HMGCLL1: variants seen among roughly 807,000 people sequenced by gnomAD.
The protein encoded by HMGCLL1 is 3-hydroxymethyl-3-methylglutaryl-CoA lyase, cytoplasmic.
In HMGCLL1, 36 loss-of-function variants were observed where a neutral mutation model predicts 39.1. That is an observed-to-expected ratio of 0.92 (90% CI 0.71 to 1.22). The LOEUF (loss-of-function observed/expected upper bound fraction) is 1.22. Ranked by LOEUF, HMGCLL1 falls within the 50% of genes most tolerant of loss-of-function variation. The pLI is 0.00. For missense variants in HMGCLL1, 451 were observed against 416.5 expected (o/e 1.08, Z -0.72); for synonymous variants, 149 against 144.0 (o/e 1.03, Z -0.25).
At position 55,460,634 on chromosome 6, in the gene HMGCLL1, A is replaced by AG. The variant is rs1402035251; in HGVS notation, c.796-21076dup. Reference sequence around the variant, plus strand: ...GAAGAAAACATAATATCCTATTACTAGGAAAAAAAATACATACATAGACAC... The same window carrying AG: ...GAAGAAAACATAATATCCTATTACTAGGGAAAAAAAATACATACATAGACAC... On this transcript the variant is annotated intron_variant, in intron 7 of 8. Transcript: ENST00000274901. 2.0e-5 allele frequency among the ~76,000 whole-genome samples: 3 copies of AG among 151,962 alleles called. No individual in the cohort carries two copies. The East Asian group carries it at 5.8e-4, about 29-fold the overall frequency.
chr6:55,519,245 T>C (rs977564889), intron 3 of HMGCLL1, among the ~76,000 whole-genome samples: 1 of 152,016 alleles, frequency 6.6e-6, no homozygotes, highest in African/African-American at 2.4e-5. Flanking sequence ...AAGGATAGTC[T>C]AGATAGGAGA....
At chr6:55,631,116 C>G in the HMGCLL1 span, among the ~76,000 whole-genome samples, 10 of 152,012 alleles carry the variant, frequency 6.6e-5, no homozygotes, top group South Asian at 2.1e-3. Flanking sequence ...AGTTCTTGTA[C>G]TTGAATATTA....
the HMGCLL1 span, among the ~76,000 whole-genome samples, chr6:55,627,138 T>A: frequency 6.6e-6 from 1 of 151,224 alleles, no homozygotes; most frequent in Non-Finnish European, 1.5e-5. Context: ...AAGAAGGTAG[T>A]CATCAATACC....
rs114572465 is a variant in HMGCLL1, at chr6:55,538,765, G to A, written c.297+2964C>T. Among the ~76,000 whole-genome samples, 1,048 of 151,996 alleles carry A rather than the reference G, an allele frequency of 6.9e-3. 13 individuals are homozygous for A. The highest frequency in any genetic ancestry group is 0.024 in the African/African-American group (991 of 41,462). ...GTACAGTGATAAGTAGAAGATAAAC[G>A]ATACATGATCACTACTTTTAAAATA... On this transcript the variant is annotated intron_variant, in intron 3 of 8. Transcript: ENST00000274901.
chr6:55,655,507 G>T, the HMGCLL1 span, among the ~76,000 whole-genome samples: 1 of 149,438 alleles, frequency 6.7e-6, no homozygotes, highest in Non-Finnish European at 1.5e-5. Flanking sequence ...ATGATAGAGA[G>T]ATAGTTGGAT....
rs985005876 is a variant in HMGCLL1, at chr6:55,532,464, T to C, written c.297+9265A>G. Reference sequence around the variant, plus strand: ...CAAACGATGTTAGCAACAAATATTTTCCCCCATTTTATTGCATATTAACCT... The same window carrying C: ...CAAACGATGTTAGCAACAAATATTTCCCCCCATTTTATTGCATATTAACCT... On this transcript the variant is annotated intron_variant, in intron 3 of 8. Coordinates refer to ENST00000274901, the MANE Select transcript of HMGCLL1 (RefSeq NM_001042406.2). 1.3e-5 allele frequency among the ~76,000 whole-genome samples: 2 copies of C among 151,870 alleles called. 1 individual carries two copies. The highest frequency in any genetic ancestry group is 4.1e-4 in the South Asian group (2 of 4,826).
chr6:55,651,836 T>G, the HMGCLL1 span, among the ~76,000 whole-genome samples: 4 of 152,078 alleles, frequency 2.6e-5, no homozygotes, highest in Non-Finnish European at 5.9e-5. Flanking sequence ...GGTGCTGGCT[T>G]AGCCTAGCAG....
chr6:55,565,988 A>AT (rs1206353447), intron 1 of HMGCLL1, among the ~76,000 whole-genome samples: 2 of 152,260 alleles, frequency 1.3e-5, no homozygotes, highest in Admixed American at 6.5e-5. Flanking sequence ...CATTTTAAAA[A>AT]TTAAGGAGTT....
chr6:55,632,917 T>C, the HMGCLL1 span, among the ~76,000 whole-genome samples: 1 of 152,090 alleles, frequency 6.6e-6, no homozygotes, highest in Non-Finnish European at 1.5e-5. Context: ...GACCTATACA[T>C]GAAGCAATGA....
chr6:55,658,861 G>T, the HMGCLL1 span, among the ~76,000 whole-genome samples: 25 of 151,878 alleles, frequency 1.6e-4, no homozygotes, highest in Non-Finnish European at 2.2e-4. Flanking sequence ...CTATAAAGAA[G>T]CAAGCATATT....
chr6:55,526,225 C>T (rs1022652078), intron 3 of HMGCLL1, among the ~76,000 whole-genome samples: 6 of 151,960 alleles, frequency 3.9e-5, no homozygotes, highest in Non-Finnish European at 8.8e-5. Context: ...ATGTCTGCAG[C>T]ATTATGCCCA....
intron 7 of HMGCLL1, among the ~76,000 whole-genome samples, chr6:55,457,408 T>C (rs1424182850): frequency 1.3e-5 from 2 of 152,152 alleles, no homozygotes; most frequent in African/African-American, 4.8e-5. Context: ...AATGAAAGAC[T>C]TGTTAAGGAG....
intron 7 of HMGCLL1, among the ~76,000 whole-genome samples, chr6:55,474,558 T>C (rs944549715): frequency 6.6e-6 from 1 of 151,614 alleles, no homozygotes; most frequent in Non-Finnish European, 1.5e-5. Flanking sequence ...TCCCTTCACA[T>C]ATTAGTCATA....
the HMGCLL1 span, among the ~76,000 whole-genome samples, chr6:55,587,515 C>T: frequency 6.6e-6 from 1 of 152,094 alleles, no homozygotes; most frequent in African/African-American, 2.4e-5. Flanking sequence ...AAATAACCAG[C>T]TTACATCATA....
rs536529588 is a variant in HMGCLL1, at chr6:55,485,963, T to A, written c.795+9456A>T. ...ATGAATAAAATATTAGAAATAAGAATGTTCATTAAAATTATATTAAAATAA... is the reference window on the plus strand; with the variant it reads ...ATGAATAAAATATTAGAAATAAGAAAGTTCATTAAAATTATATTAAAATAA... On this transcript the variant is annotated intron_variant, in intron 7 of 8. Transcript: ENST00000274901. Among the ~76,000 whole-genome samples the A allele has an allele frequency of 2.8e-4, 42 of 151,654 alleles. No homozygotes were observed. The South Asian group carries it at 6.2e-3, about 23-fold the overall frequency.
chr6:55,594,945 T>TA, the HMGCLL1 span, among the ~76,000 whole-genome samples: 1 of 152,164 alleles, frequency 6.6e-6, no homozygotes, highest in Non-Finnish European at 1.5e-5. Flanking sequence ...TGTGTTTCTT[T>TA]AAAAAAATAT....
chr6:55,477,929 A>G (rs780937420), intron 7 of HMGCLL1, among the ~76,000 whole-genome samples: 1 of 151,074 alleles, frequency 6.6e-6, no homozygotes, highest in African/African-American at 2.4e-5. Context: ...GTAAAAATCA[A>G]ACAGAGTCGA....
chr6:55,539,344 T>C (rs1227623015), intron 3 of HMGCLL1, among the ~76,000 whole-genome samples: 2 of 152,256 alleles, frequency 1.3e-5, no homozygotes, highest in East Asian at 1.9e-4. Context: ...ACTGGGTATA[T>C]AACCAAAGGA....
chr6:55,590,404 G>C, the HMGCLL1 span, among the ~76,000 whole-genome samples: 1 of 152,100 alleles, frequency 6.6e-6, no homozygotes, highest in Non-Finnish European at 1.5e-5. Context: ...ATTAATTCAA[G>C]ATGGATTAAA....
Sources: gnomAD v4.1 joint callset for allele counts (sites outside exome capture counted in the v4.1 genomes callset) on GRCh38, gnomAD v4.1.1 for gene constraint, MANE v1.5 for transcripts, NCBI Gene and HGNC (gene_info 2026-07-23, HGNC 2026-07-21) for gene names.